Variants in FBXW11 observed in about 807,000 individuals in gnomAD.
FBXW11 encodes the protein F-box and WD repeat domain containing 11.
Under a neutral mutation model 77.6 loss-of-function variants are expected in FBXW11, and 19 were observed. The observed-to-expected ratio is 0.24, with a 90% CI of 0.17 to 0.36. FBXW11 has a LOEUF of 0.36. Among genes scored for constraint, FBXW11 ranks in the 10% least tolerant of loss-of-function variants. The probability of loss-of-function intolerance (pLI) is 1.00; values close to 1 mark genes in which losing one functional copy is unlikely to be tolerated. For synonymous variants in FBXW11, 235 were observed against 249.4 expected (o/e 0.94, Z 0.54); for missense variants, 334 against 704.2 (o/e 0.47, Z 5.95).
chr5:171,948,995 C>T (rs1763165392), intron 2 of FBXW11, among the ~76,000 whole-genome samples: 1 of 152,206 alleles, frequency 6.6e-6, no homozygotes. Flanking sequence ...AATTTATTTG[C>T]TGTTTTTCCT....
intron 1 of FBXW11, among the ~76,000 whole-genome samples, chr5:171,970,136 A>G (rs1764441717): frequency 6.6e-6 from 1 of 152,196 alleles, no homozygotes; most frequent in African/African-American, 2.4e-5. Flanking sequence ...GCCCTGTTAA[A>G]AAATCTTTTG....
At chr5:171,993,856 T>G (rs1765887293) in intron 1 of FBXW11, among the ~76,000 whole-genome samples, 1 of 152,166 alleles carries the variant, frequency 6.6e-6, no homozygotes, top group Admixed American at 6.5e-5. Context: ...AAATGTCAAT[T>G]TAATTAAAAT....
At chr5:171,917,515 A>G (rs1217847258) in intron 2 of FBXW11, among the ~76,000 whole-genome samples, 1 of 152,218 alleles carries the variant, frequency 6.6e-6, no homozygotes, top group Non-Finnish European at 1.5e-5. Context: ...TAGACATACA[A>G]TTTAATAAAA....
At chr5:171,988,886 T>C (rs950723742) in intron 1 of FBXW11, among the ~76,000 whole-genome samples, 1 of 146,430 alleles carries the variant, frequency 6.8e-6, no homozygotes, top group African/African-American at 2.5e-5. Context: ...ACATTCATAC[T>C]ACAATTTTGG....
At chr5:171,888,454 T>C (rs866034893) in intron 7 of FBXW11, among the ~76,000 whole-genome samples, 11 of 152,160 alleles carry the variant, frequency 7.2e-5, no homozygotes, top group African/African-American at 2.2e-4. Context: ...CAAAGTGGCA[T>C]ATTGCAAAGG....
intron 7 of FBXW11, among the ~76,000 whole-genome samples, chr5:171,888,197 C>A (rs962067302): frequency 6.6e-6 from 1 of 152,236 alleles, no homozygotes; most frequent in Non-Finnish European, 1.5e-5. Context: ...CCAAGAGTGA[C>A]CCAATTTTTC....
chr5:171,872,588 C>A (rs2113762052), intron 10 of FBXW11, among the ~76,000 whole-genome samples: 1 of 152,314 alleles, frequency 6.6e-6, no homozygotes, highest in East Asian at 1.9e-4. Flanking sequence ...GGCTGCACTG[C>A]AGCACCCTAG....
At chr5:171,973,735 A>C (rs1335102716) in intron 1 of FBXW11, among the ~76,000 whole-genome samples, 1 of 152,228 alleles carries the variant, frequency 6.6e-6, no homozygotes, top group Non-Finnish European at 1.5e-5. Context: ...CATAAATGCT[A>C]ATCATAATGA....
rs571849348 is a variant in FBXW11 at position 171,900,114 on chromosome 5, A to G, written c.437-14T>C. The G allele has an allele frequency of 2.0e-5, 31 of 1,583,920 alleles. No individual in the cohort carries two copies. Among genetic ancestry groups the G allele is most frequent in the Non-Finnish European group, 2.6e-5 (30 of 1,162,516 alleles). On this transcript the variant is annotated splice_polypyrimidine_tract_variant and intron_variant, in intron 4 of 13. Coordinates refer to ENST00000517395, the MANE Select transcript of FBXW11 (RefSeq NM_001378974.1). ...CTAAGCCTTGCTCTACAAAACAGAA[A>G]AGGGAATGAAGGAACGGGAAGAGAG...
At chr5:171,997,768 A>G (rs1198222524) in intron 1 of FBXW11, among the ~76,000 whole-genome samples, 1 of 152,222 alleles carries the variant, frequency 6.6e-6, no homozygotes, top group Non-Finnish European at 1.5e-5. Context: ...ACCATATCAA[A>G]TTAGACTGCA....
At chr5:171,872,626 T>C (rs1000932562) in intron 10 of FBXW11, among the ~76,000 whole-genome samples, 1 of 152,296 alleles carries the variant, frequency 6.6e-6, no homozygotes, top group African/African-American at 2.4e-5. Flanking sequence ...TGGTATTAAG[T>C]GATCCCAGGT....
intron 2 of FBXW11, among the ~76,000 whole-genome samples, chr5:171,955,556 T>A (rs141733139): frequency 6.2e-4 from 94 of 152,306 alleles, no homozygotes; most frequent in African/African-American, 2.1e-3. Context: ...AATGTTGGCA[T>A]TAAAATAATA....
At chr5:171,908,717 G>A (rs1312268331) in intron 4 of FBXW11, 1 of 152,184 alleles carries the variant, frequency 6.6e-6, no homozygotes, top group Non-Finnish European at 1.5e-5. Flanking sequence ...ACACGTTTTG[G>A]AAGAGAGATT....
At chr5:171,901,122 T>C (rs1172454892) in intron 4 of FBXW11, among the ~76,000 whole-genome samples, 1 of 152,212 alleles carries the variant, frequency 6.6e-6, no homozygotes, top group African/African-American at 2.4e-5. Flanking sequence ...CCCTGTGCCT[T>C]GAATTTTTGT....
At chr5:171,980,298 A>T (rs1765071573) in intron 1 of FBXW11, among the ~76,000 whole-genome samples, 1 of 152,228 alleles carries the variant, frequency 6.6e-6, no homozygotes, top group African/African-American at 2.4e-5. Flanking sequence ...GACTTCTAGA[A>T]ATAAATAAAA....
At chr5:171,992,732 A>G (rs971755451) in intron 1 of FBXW11, among the ~76,000 whole-genome samples, 1 of 151,976 alleles carries the variant, frequency 6.6e-6, no homozygotes, top group Admixed American at 6.6e-5. Context: ...CTACCACTGC[A>G]CCTAAAAACT....
chr5:171,892,962 A>AT (rs969794920), intron 6 of FBXW11, among the ~76,000 whole-genome samples: 9 of 152,348 alleles, frequency 5.9e-5, no homozygotes, highest in African/African-American at 2.2e-4. Flanking sequence ...TGAAGATAGT[A>AT]TCCTTCTGTG....
intron 1 of FBXW11, among the ~76,000 whole-genome samples, chr5:172,000,390 C>T (rs891371184): frequency 2.0e-5 from 3 of 152,192 alleles, no homozygotes; most frequent in Non-Finnish European, 4.4e-5. Context: ...TGGGTTCTCT[C>T]TGTAGTTACA....
At chr5:171,955,831 C>A (rs567457354) in intron 2 of FBXW11, among the ~76,000 whole-genome samples, 6 of 151,570 alleles carry the variant, frequency 4.0e-5, no homozygotes, top group African/African-American at 7.3e-5. Flanking sequence ...AAAAAAAAAT[C>A]TTTTTTTCCT....
Sources: gnomAD v4.1 joint callset for allele counts (sites outside exome capture counted in the v4.1 genomes callset) on GRCh38, gnomAD v4.1.1 for gene constraint, MANE v1.5 for transcripts, NCBI Gene and HGNC (gene_info 2026-07-23, HGNC 2026-07-21) for gene names.